The following MET variants were observed in gnomAD, a reference collection of about 807,000 sequenced individuals.
MET encodes the protein hepatocyte growth factor receptor.
A neutral mutation model predicts 133.1 loss-of-function variants in MET; 48 were observed. The ratio of observed to expected loss-of-function variants is 0.36; its 90% CI spans 0.29 to 0.46. The LOEUF (loss-of-function observed/expected upper bound fraction) is 0.46, where lower values mean the gene tolerates loss of function less well. MET is among the 20% of genes least tolerant of loss of function. MET has a pLI of 1.00. For synonymous variants in MET, 628 were observed against 616.5 expected, an observed-to-expected ratio of 1.02 and a Z score of -0.28; for missense variants, 1,442 against 1,695.9, an observed-to-expected ratio of 0.85 and a Z score of 2.63.
intron 2 of MET, among the ~76,000 whole-genome samples, chr7:116,716,255 A>G (rs1792187078): frequency 7.4e-6 from 1 of 134,500 alleles, no homozygotes; most frequent in South Asian, 2.8e-4. Context: ...CCTTTCAAGC[A>G]AGCAAGCAAG....
intron 5 of MET, among the ~76,000 whole-genome samples, chr7:116,741,831 T>G (rs1793470264): frequency 6.6e-6 from 1 of 152,224 alleles, no homozygotes; most frequent in Non-Finnish European, 1.5e-5. Flanking sequence ...TGAGGAGATA[T>G]AGTCCAGAAC....
intron 1 of MET, among the ~76,000 whole-genome samples, chr7:116,697,963 C>T (rs1165132351): frequency 2.0e-5 from 3 of 152,218 alleles, no homozygotes; most frequent in East Asian, 1.9e-4. Flanking sequence ...GTGCCCTGCA[C>T]ATACCAGCTG....
At chr7:116,731,469 T>C (rs1229511041) in intron 2 of MET, among the ~76,000 whole-genome samples, 199 bp from the exon 3 acceptor site, 2 of 152,226 alleles carry the variant, frequency 1.3e-5, no homozygotes, top group African/African-American at 4.8e-5. Flanking sequence ...AGTAAGGTTT[T>C]AGAGTCTATA....
At chr7:116,695,669 T>C (rs199661959) in intron 1 of MET, 4 of 387,570 alleles carry the variant, frequency 1.0e-5, no homozygotes, top group Non-Finnish European at 2.1e-5. Flanking sequence ...AGACGTGGAA[T>C]TGAATCTTGG....
chr7:116,733,652 A>G (rs189272965), intron 3 of MET, among the ~76,000 whole-genome samples: 2 of 152,292 alleles, frequency 1.3e-5, no homozygotes, highest in East Asian at 1.9e-4. Flanking sequence ...TATTTTGCCT[A>G]TTAACTATGC....
At position 116,687,605 on chromosome 7, in the gene MET, T is replaced by C. The variant is rs73208158; in HGVS notation, c.-14-11466T>C. Among the ~76,000 whole-genome samples, 1,044 of 152,338 alleles carry C rather than the reference T, an allele frequency of 6.9e-3. 1 individual carries two copies. The highest frequency in any genetic ancestry group is 0.011 in the Non-Finnish European group (735 of 68,032). ...ACAGTATTCTCATGATTTCTAACAA[T>C]TCTTGTCTACTTTGCCTAAATAAGA... On this transcript the variant is annotated intron_variant, in intron 1 of 20. Coordinates refer to ENST00000397752, the MANE Select transcript of MET (RefSeq NM_000245.4).
At chr7:116,769,580 C>G (rs2116981514) in intron 11 of MET, 65 bp from the exon 12 acceptor site, 8 of 1,580,366 alleles carry the variant, frequency 5.1e-6, no homozygotes, top group Non-Finnish European at 6.9e-6. Context: ...TATTCCTTTG[C>G]CATTGTTAGC....
chr7:116,762,496 T>C (rs1200077170), intron 10 of MET, among the ~76,000 whole-genome samples: 1 of 152,240 alleles, frequency 6.6e-6, no homozygotes, highest in East Asian at 1.9e-4. Flanking sequence ...TAAGATTACC[T>C]AACAACATAG....
At chr7:116,719,951 C>T (rs1208168478) in intron 2 of MET, among the ~76,000 whole-genome samples, 3 of 151,962 alleles carry the variant, frequency 2.0e-5, no homozygotes, top group African/African-American at 7.2e-5. Flanking sequence ...TCTTTTGGCT[C>T]AGGATTGACT....
At chr7:116,776,055 T>C (rs995928644) in intron 15 of MET, among the ~76,000 whole-genome samples, 6 of 151,622 alleles carry the variant, frequency 4.0e-5, no homozygotes, top group Non-Finnish European at 8.8e-5. Flanking sequence ...GAAATGAACT[T>C]CATTCTTCTT....
chr7:116,709,614 G>C (rs1323192827), intron 2 of MET, among the ~76,000 whole-genome samples: 1 of 152,028 alleles, frequency 6.6e-6, no homozygotes, highest in Non-Finnish European at 1.5e-5. Flanking sequence ...GAGGCTTCAG[G>C]GCTTATTCCT....
chr7:116,760,458 G>A (rs933292372), intron 10 of MET, among the ~76,000 whole-genome samples: 1 of 152,122 alleles, frequency 6.6e-6, no homozygotes, highest in Non-Finnish European at 1.5e-5. Context: ...TATTTCCAAA[G>A]ATTCCATACA....
At position 116,743,802 on chromosome 7, in the gene MET, G is replaced by T. The variant is rs368023482; in HGVS notation, c.1701+2777G>T. On this transcript the variant is annotated intron_variant, in intron 5 of 20. Transcript: ENST00000397752. Reference sequence around the variant, plus strand: ...ACAGGAGAGCTCTGGCTGGCATCTGGTGGGTGCCCCTCTAGGATGAAGCTT... The same window carrying T: ...ACAGGAGAGCTCTGGCTGGCATCTGTTGGGTGCCCCTCTAGGATGAAGCTT... Among the ~76,000 whole-genome samples, 33 of 152,300 alleles carry T rather than the reference G, an allele frequency of 2.2e-4. No individual in the cohort carries two copies. The East Asian group carries it at 5.8e-3, about 27-fold the overall frequency.
chr7:116,749,473 C>A (rs1218118118), intron 5 of MET, among the ~76,000 whole-genome samples: 1 of 152,136 alleles, frequency 6.6e-6, no homozygotes, highest in Non-Finnish European at 1.5e-5. Flanking sequence ...ATAATAAGAG[C>A]TATTTATGAT....
chr7:116,689,252 A>C (rs1042151073), intron 1 of MET, among the ~76,000 whole-genome samples: 2 of 152,222 alleles, frequency 1.3e-5, no homozygotes, highest in African/African-American at 4.8e-5. Flanking sequence ...GATGCACAGA[A>C]GCAAACCCAA....
chr7:116,793,473 T>C (rs193688), intron 19 of MET, among the ~76,000 whole-genome samples: 53,135 of 151,620 alleles, frequency 0.35, 11,141 homozygotes, highest in East Asian at 0.47. Context: ...CCTTGTCCCG[T>C]CCTGTCTAAC....
Position 116,797,486 on chromosome 7 carries a change from C to T in MET, c.*1362C>T. ...AGGCAATTGAAAATCCCAGCTATTT[C>T]ACCTAGATGGAATAGCCACCCTGAG... On this transcript the variant is annotated 3_prime_UTR_variant, in exon 21 of 21. Coordinates refer to ENST00000397752, the MANE Select transcript of MET (RefSeq NM_000245.4). The T allele has an allele frequency of 4.4e-6, 1 of 229,476 alleles. No individual in the cohort carries two copies. The highest frequency in any genetic ancestry group is 8.7e-6 in the Non-Finnish European group (1 of 115,606). The allele number at this position is 229,476 out of a possible 1,614,324, so 14.2% of individuals were successfully genotyped here. A position where few individuals can be genotyped will look rare whatever the true frequency, so the allele number is the denominator to read the frequency against.
At position 116,725,465 on chromosome 7, in the gene MET, C is replaced by CATATATAT. The variant is rs71314626; in HGVS notation, c.1201-6189_1201-6182dup. Among the ~76,000 whole-genome samples, 1,107 of 144,900 alleles carry CATATATAT rather than the reference C, an allele frequency of 7.6e-3. 10 individuals carry two copies. The highest frequency in any genetic ancestry group is 0.01 in the Non-Finnish European group (685 of 66,356). ...TAAAATTTATTTTTCTTATGATATA[C>CATATATAT]ATATATATATATATATATATACACA... is the stretch of plus-strand genomic sequence containing the variant. On this transcript the variant is annotated intron_variant, in intron 2 of 20. Coordinates refer to ENST00000397752, the MANE Select transcript of MET (RefSeq NM_000245.4).
chr7:116,736,068 G>A (rs980743994), intron 3 of MET, among the ~76,000 whole-genome samples: 9 of 152,062 alleles, frequency 5.9e-5, no homozygotes, highest in African/African-American at 1.4e-4. Flanking sequence ...ATGAGTCACC[G>A]TGCCCACAAG....
Sources: gnomAD v4.1 joint callset for allele counts (sites outside exome capture counted in the v4.1 genomes callset) on GRCh38, gnomAD v4.1.1 for gene constraint, MANE v1.5 for transcripts, NCBI Gene and HGNC (gene_info 2026-07-23, HGNC 2026-07-21) for gene names.